CEP57: variants seen among roughly 807,000 people sequenced by gnomAD.
CEP57 encodes centrosomal protein of 57 kDa.
Under a neutral mutation model 68.0 loss-of-function variants are expected in CEP57, and 40 were observed. That is an observed-to-expected ratio of 0.59 (90% CI 0.46 to 0.77). CEP57 has a LOEUF of 0.77. CEP57 is among the 30% of genes least tolerant of loss of function. CEP57 has a pLI of 0.00. For missense variants in CEP57, 606 were observed against 580.7 expected, an observed-to-expected ratio of 1.04 and a Z score of -0.45; for synonymous variants, 219 against 198.7, an observed-to-expected ratio of 1.10 and a Z score of -0.86.
At chr11:95,829,138 C>A (rs774600881) in intron 9 of CEP57, 49 bp from the exon 10 acceptor site, 2 of 1,603,052 alleles carry the variant, frequency 1.2e-6, no homozygotes, top group South Asian at 1.1e-5. Flanking sequence ...TAGACCTAAC[C>A]ATGAAACACA....
At chr11:95,811,728 G>A (rs191947262) in intron 2 of CEP57, among the ~76,000 whole-genome samples, 229 of 152,164 alleles carry the variant, frequency 1.5e-3, no homozygotes, top group Middle Eastern at 3.4e-3. Context: ...ATTCATGAAA[G>A]GGAGAAAATT....
chr11:95,813,357 C>T, intron 3 of CEP57, 111 bp from the exon 4 acceptor site: 1 of 1,324,836 alleles, frequency 7.5e-7, no homozygotes, highest in Non-Finnish European at 1.0e-6. Flanking sequence ...GCGTCCAGGT[C>T]TGTGGAAGGT....
chr11:95,810,194 C>T (rs1056497620), intron 2 of CEP57, among the ~76,000 whole-genome samples: 5 of 152,118 alleles, frequency 3.3e-5, no homozygotes, highest in East Asian at 3.8e-4. Flanking sequence ...ATTGATGGGA[C>T]GTATCTCAAA....
chr11:95,821,032 T>A lies in CEP57; in HGVS notation c.700-839T>A, dbSNP rs529738167. On this transcript the variant is annotated intron_variant, in intron 6 of 10. Coordinates refer to ENST00000325542, the MANE Select transcript of CEP57 (RefSeq NM_014679.5). ...TATTTGTTCTAGCTCCATTATAATT[T>A]CCTGGGGAACTCTTAAAATACTTTA... Among the ~76,000 whole-genome samples the A allele has an allele frequency of 5.3e-5, 8 of 152,326 alleles. No individual in the cohort carries two copies. The South Asian group carries it at 1.4e-3, about 28-fold the overall frequency.
At position 95,831,015 on chromosome 11, in the gene CEP57, A is replaced by T. The variant is rs1862982331; in HGVS notation, c.1273-11A>T. 2 of 1,587,718 alleles carry T rather than the reference A, an allele frequency of 1.3e-6. No homozygotes were observed. Among genetic ancestry groups the T allele is most frequent in the African/African-American group, 1.3e-5 (1 of 74,456 alleles). On this transcript the variant is annotated splice_polypyrimidine_tract_variant and intron_variant, in intron 10 of 10. Coordinates refer to ENST00000325542, the MANE Select transcript of CEP57 (RefSeq NM_014679.5). Reference sequence around the variant, plus strand: ...TCTCCTTTTCCTTCCTGCCTTGGTTATTTGGTATAGCTGGAGAAACAGAAG... The same window carrying T: ...TCTCCTTTTCCTTCCTGCCTTGGTTTTTTGGTATAGCTGGAGAAACAGAAG...
chr11:95,813,655 C>CT (rs1330521989), intron 4 of CEP57, 66 bp downstream of exon 4: 66 of 1,589,202 alleles, frequency 4.2e-5, no homozygotes, highest in Non-Finnish European at 5.4e-5. Context: ...TGAATAAAGA[C>CT]TTTTTTTCTT....
intron 2 of CEP57, among the ~76,000 whole-genome samples, chr11:95,802,364 C>T (rs1861619866): frequency 6.6e-6 from 1 of 151,426 alleles, no homozygotes; most frequent in Non-Finnish European, 1.5e-5. Flanking sequence ...AAGCAATTCT[C>T]CTGCCTCAGC....
intron 2 of CEP57, among the ~76,000 whole-genome samples, chr11:95,800,709 T>C (rs1861540788): frequency 6.6e-6 from 1 of 152,180 alleles, no homozygotes; most frequent in Admixed American, 6.5e-5. Context: ...ATGTTTCAAA[T>C]CTCTCTGAGT....
intron 2 of CEP57, among the ~76,000 whole-genome samples, chr11:95,806,509 G>A (rs1861807408): frequency 1.3e-5 from 2 of 152,140 alleles, no homozygotes; most frequent in South Asian, 4.1e-4. Flanking sequence ...TGGAAAATCA[G>A]GACACTCCCA....
At chr11:95,806,746 C>G (rs1010213859) in intron 2 of CEP57, among the ~76,000 whole-genome samples, 1 of 152,182 alleles carries the variant, frequency 6.6e-6, no homozygotes, top group Non-Finnish European at 1.5e-5. Context: ...TGGAGCCCAC[C>G]GCAGCTCAAA....
intron 1 of CEP57, among the ~76,000 whole-genome samples, chr11:95,791,342 G>C (rs2135226964): frequency 6.6e-6 from 1 of 152,248 alleles, no homozygotes; most frequent in South Asian, 2.1e-4. Flanking sequence ...GCGACAGGGG[G>C]AATTGATTTT....
At position 95,830,550 on chromosome 11, in the gene CEP57, A is replaced by G. The variant is rs562758679; in HGVS notation, c.1273-476A>G. Among the ~76,000 whole-genome samples the G allele has an allele frequency of 7.6e-4, 116 of 152,284 alleles. 1 individual carries two copies. The Middle Eastern group carries it at 0.01, about 13-fold the overall frequency. On this transcript the variant is annotated intron_variant, in intron 10 of 10. Transcript: ENST00000325542. ...TTTTCATAGTATTAATACATTACCA[A>G]TTACATCTGTTCATCCATCTGGAAA...
In CEP57 at chr11:95,792,555, A is replaced by G. The variant is rs1861135774; in HGVS notation, c.45+1812A>G. On this transcript the variant is annotated intron_variant, in intron 1 of 10. Transcript: ENST00000325542. The stretch of plus-strand genomic sequence containing the variant: ...CACCTAGGTGAGCATTGGCACTGGG[A>G]TATAGTCAGCTGTTAATACTTATAC... Among the ~76,000 whole-genome samples, 3 of 152,364 alleles carry G rather than the reference A, an allele frequency of 2.0e-5. No homozygotes were observed. In the South Asian group the frequency reaches 6.2e-4, roughly 32 times the overall value.
Position 95,811,522 on chromosome 11 carries a change from A to G in CEP57, c.203-1410A>G, listed in dbSNP as rs546300984. Among the ~76,000 whole-genome samples the G allele has an allele frequency of 4.7e-3, 721 of 152,014 alleles. 9 individuals carry two copies. Among genetic ancestry groups the G allele is most frequent in the Middle Eastern group, 6.8e-3 (2 of 292 alleles). On this transcript the variant is annotated intron_variant, in intron 2 of 10. Transcript: ENST00000325542. ...TGCAGCACAGCAACATGGCACATGT[A>G]TACATATGTAACAAACCTGCACGTT...
At chr11:95,823,275 A>G (rs1329936419) in intron 8 of CEP57, 4 of 152,302 alleles carry the variant, frequency 2.6e-5, no homozygotes, top group African/African-American at 9.6e-5. Flanking sequence ...ATCATGGGGA[A>G]TATAATAAAT....
rs751674283 is a variant in CEP57 at position 95,831,191 on chromosome 11, T to C, written c.1438T>C (p.Leu480=). 6.2e-7 allele frequency: 1 copy of C among 1,613,596 alleles called. No individual in the cohort carries two copies. The highest frequency in any genetic ancestry group is 8.5e-7 in the Non-Finnish European group (1 of 1,179,672). The change falls in exon 11 of 11, where the codon TTA becomes CTA. Residue 480 remains leucine, a synonymous_variant. Transcript: ENST00000325542. ...AGAAAAAAGGAGAAAAAATCTTCAG[T>C]TATTGAAGGACATGCAAAGCATACA... is the stretch of plus-strand genomic sequence containing the variant. The part of the protein sequence containing the change: ...PGEKRRKNLQ[L]LKDMQSIQNS...
At chr11:95,793,230 A>G (rs954111830) in intron 1 of CEP57, among the ~76,000 whole-genome samples, 1 of 152,216 alleles carries the variant, frequency 6.6e-6, no homozygotes, top group African/African-American at 2.4e-5. Context: ...TGGAATTGAT[A>G]AACTTCGACT....
Position 95,832,617 on chromosome 11 carries a change from C to A in CEP57, c.*1361C>A, listed in dbSNP as rs187824019. On this transcript the variant is annotated 3_prime_UTR_variant, in exon 11 of 11. Coordinates refer to ENST00000325542, the MANE Select transcript of CEP57 (RefSeq NM_014679.5). ...ACATGATAAATATATGTGTCAACCA[C>A]CATTTCAGCTATTAAAAACTCCTGT... The A allele has an allele frequency of 1.9e-4, 29 of 152,188 alleles. No homozygotes were observed. The highest frequency in any genetic ancestry group is 3.4e-3 in the Middle Eastern group (1 of 294). 9.4% of individuals were successfully genotyped at this position (152,188 alleles called of 1,614,324 possible).
At chr11:95,800,125 T>C (rs1861511109) in intron 2 of CEP57, among the ~76,000 whole-genome samples, 1 of 152,204 alleles carries the variant, frequency 6.6e-6, no homozygotes, top group Admixed American at 6.5e-5. Flanking sequence ...CTTATCTGGG[T>C]CCTCTGTTTA....
Sources: allele counts gnomAD v4.1 joint callset (sites outside exome capture counted in the v4.1 genomes callset), GRCh38; gene constraint gnomAD v4.1.1; transcripts MANE v1.5; gene names NCBI Gene and HGNC (gene_info 2026-07-23, HGNC 2026-07-21).